The following UBE2W variants were observed in gnomAD, a reference collection of about 807,000 sequenced individuals.
UBE2W encodes the protein ubiquitin-conjugating enzyme E2 W.
Under a neutral mutation model 27.2 loss-of-function variants are expected in UBE2W, and 18 were observed. The observed-to-expected ratio is 0.66, with a 90% confidence interval of 0.46 to 0.98. The LOEUF (loss-of-function observed/expected upper bound fraction) is 0.98. Among genes scored for constraint, UBE2W ranks in the 50% least tolerant of loss-of-function variants. The pLI is 0.00. For synonymous variants in UBE2W, 53 were observed against 57.2 expected (o/e 0.93, Z 0.33); for missense variants, 90 against 180.2 (o/e 0.50, Z 2.87).
At chr8:73,806,932 A>G (rs1289262272) in intron 4 of UBE2W, among the ~76,000 whole-genome samples, 1 of 152,228 alleles carries the variant, frequency 6.6e-6, no homozygotes. Flanking sequence ...GACTAGAACA[A>G]TATATGAGAA....
At chr8:73,877,901 T>G (rs1812301073) in intron 1 of UBE2W, among the ~76,000 whole-genome samples, 1 of 152,126 alleles carries the variant, frequency 6.6e-6, no homozygotes, top group African/African-American at 2.4e-5. Flanking sequence ...TAAATTAAGT[T>G]GGAAAGCCAG....
intron 1 of UBE2W, among the ~76,000 whole-genome samples, chr8:73,869,912 TATATAATATAA>T (rs1563637585): frequency 2.2e-4 from 34 of 152,196 alleles, no homozygotes; most frequent in African/African-American, 7.7e-4. Flanking sequence ...CAAAAGGTCA[TATATAATATAA>T]TTCCACTCTC....
intron 1 of UBE2W, among the ~76,000 whole-genome samples, chr8:73,844,664 G>T (rs1227548399): frequency 2.7e-5 from 4 of 150,532 alleles, no homozygotes; most frequent in Non-Finnish European, 5.9e-5. Context: ...GAAGTCACAA[G>T]CGCCTCTTCC....
chr8:73,849,512 CAAA>C (rs71269951), intron 1 of UBE2W, among the ~76,000 whole-genome samples: 44 of 22,742 alleles, frequency 1.9e-3, no homozygotes, highest in African/African-American at 6.0e-3. Flanking sequence ...AACTCCATCT[CAAA>C]AAAAAAAAAA....
intron 1 of UBE2W, among the ~76,000 whole-genome samples, chr8:73,839,798 T>C (rs1170170240): frequency 1.4e-5 from 2 of 141,270 alleles, no homozygotes; most frequent in African/African-American, 5.3e-5. Flanking sequence ...AGTGGTGCAA[T>C]CTCTGCTCAC....
chr8:73,866,290 A>AAT (rs71269958), intron 1 of UBE2W, among the ~76,000 whole-genome samples: 809 of 43,030 alleles, frequency 0.019, 30 homozygotes, highest in Middle Eastern at 0.036. Flanking sequence ...AAAAAAAAAA[A>AAT]ATATATATAT....
At chr8:73,780,343 T>C (rs1199226143) in exon 5 of UBE2W, 1 of 318,230 alleles carries the variant, frequency 3.1e-6, no homozygotes, top group African/African-American at 2.2e-5. Flanking sequence ...ACCAGTTATA[T>C]TGGATTAAGG....
chr8:73,868,053 TG>T (rs1324516503), intron 1 of UBE2W, among the ~76,000 whole-genome samples: 1 of 152,208 alleles, frequency 6.6e-6, no homozygotes, highest in Non-Finnish European at 1.5e-5. Flanking sequence ...CTTGGAATCT[TG>T]GAAGTTATAA....
intron 1 of UBE2W, among the ~76,000 whole-genome samples, chr8:73,871,309 G>A (rs757358467): frequency 5.3e-5 from 8 of 152,180 alleles, no homozygotes; most frequent in Non-Finnish European, 7.3e-5. Flanking sequence ...GAATGAAGTT[G>A]CCTATATACC....
chr8:73,821,586 T>C (rs1310622167), intron 3 of UBE2W, among the ~76,000 whole-genome samples: 1 of 131,756 alleles, frequency 7.6e-6, no homozygotes, highest in Non-Finnish European at 1.6e-5. Flanking sequence ...TGCATGTCCA[T>C]GTGTGTGGTA....
intron 1 of UBE2W, among the ~76,000 whole-genome samples, chr8:73,832,136 A>AATAT (rs111764105): frequency 2.4e-4 from 35 of 145,394 alleles, no homozygotes; most frequent in African/African-American, 4.0e-4. Flanking sequence ...AAAATAAATA[A>AATAT]ATATATATAT....
intron 5 of UBE2W, among the ~76,000 whole-genome samples, chr8:73,795,469 T>C (rs1808374704): frequency 6.6e-6 from 1 of 152,200 alleles, no homozygotes; most frequent in Non-Finnish European, 1.5e-5. Flanking sequence ...ATGCCAGCAC[T>C]ATGCTTCTCT....
chr8:73,820,410 A>C (rs908502007), intron 3 of UBE2W, among the ~76,000 whole-genome samples: 1 of 152,178 alleles, frequency 6.6e-6, no homozygotes, highest in African/African-American at 2.4e-5. Context: ...TAGAATATAC[A>C]ACCTCTATGC....
intron 1 of UBE2W, among the ~76,000 whole-genome samples, chr8:73,869,506 C>T (rs531865370): frequency 6.6e-6 from 1 of 152,202 alleles, no homozygotes; most frequent in Non-Finnish European, 1.5e-5. Flanking sequence ...GATTGGCCAA[C>T]ATGGTGAAAC....
Position 73,787,097 on chromosome 8 carries a change from C to A in UBE2W, c.*7005G>T. 1.0e-6 allele frequency: 1 copy of A among 985,346 alleles called. No homozygotes were observed. Among genetic ancestry groups the A allele is most frequent in the African/African-American group, 1.7e-5 (1 of 57,326 alleles). 61.0% of individuals were successfully genotyped at this position (985,346 alleles called of 1,614,324 possible). A position where few individuals can be genotyped will look rare whatever the true frequency, so the allele number is the denominator to read the frequency against. On this transcript the variant is annotated 3_prime_UTR_variant, in exon 6 of 6. Transcript: ENST00000602593. ...CCATAATCCACTTAACTGTAAAGGGCGTAGGGATTCCCACTTATGTATTTT... is the reference window on the plus strand; with the variant it reads ...CCATAATCCACTTAACTGTAAAGGGAGTAGGGATTCCCACTTATGTATTTT...
At chr8:73,795,474 T>C (rs1169375104) in intron 5 of UBE2W, among the ~76,000 whole-genome samples, 2 of 152,218 alleles carry the variant, frequency 1.3e-5, no homozygotes, top group Non-Finnish European at 2.9e-5. Flanking sequence ...AGCACTATGC[T>C]TCTCTACAGT....
chr8:73,825,481 G>A (rs1016647225), intron 2 of UBE2W, among the ~76,000 whole-genome samples: 1 of 152,134 alleles, frequency 6.6e-6, no homozygotes. Flanking sequence ...GCTAGCAAAA[G>A]ACAGAGCCAG....
In UBE2W at chr8:73,810,411, A is replaced by T; in HGVS notation, c.366+63T>A. ...TCCAAATAAAAATAATTACATATTA[A>T]AATTATTTATCTACCTAACTGAAAG... On this transcript the variant is annotated intron_variant, in intron 4 of 5. Transcript: ENST00000602593. The T allele has an allele frequency of 2.1e-6, 3 of 1,425,676 alleles. No individual in the cohort carries two copies. The South Asian group carries it at 4.0e-5, about 19-fold the overall frequency. 88.3% of individuals were successfully genotyped at this position (1,425,676 alleles called of 1,614,324 possible).
In UBE2W at chr8:73,805,738, A is replaced by C; in HGVS notation, c.367-12T>G. Reference sequence around the variant, plus strand: ...TCCGGTGGTCGTCTCTGAAACAAAAAATAATTTAAATAGGTTGAAAAACAG... The same window carrying C: ...TCCGGTGGTCGTCTCTGAAACAAAACATAATTTAAATAGGTTGAAAAACAG... On this transcript the variant is annotated splice_polypyrimidine_tract_variant and intron_variant, in intron 4 of 5. Coordinates refer to ENST00000602593, the MANE Select transcript of UBE2W (RefSeq NM_018299.6). 2 of 1,463,924 alleles carry C rather than the reference A, an allele frequency of 1.4e-6. No individual in the cohort carries two copies. The highest frequency in any genetic ancestry group is 1.8e-6 in the Non-Finnish European group (2 of 1,088,420). The allele number at this position is 1,463,924 out of a possible 1,614,324, so 90.7% of individuals were successfully genotyped here. A position where few individuals can be genotyped will look rare whatever the true frequency, so the allele number is the denominator to read the frequency against.
Sources: gnomAD v4.1 joint callset for allele counts (sites outside exome capture counted in the v4.1 genomes callset) on GRCh38, gnomAD v4.1.1 for gene constraint, MANE v1.5 for transcripts, NCBI Gene and HGNC (gene_info 2026-07-23, HGNC 2026-07-21) for gene names.